Variants in TPM4 observed in about 807,000 individuals in gnomAD.
TPM4 encodes the protein tropomyosin alpha-4 chain.
In TPM4, 17 loss-of-function variants were observed where a neutral mutation model predicts 35.8. The observed-to-expected ratio is 0.47, with a 90% CI of 0.32 to 0.71. TPM4 has a LOEUF of 0.71. Among genes scored for constraint, TPM4 ranks in the 30% least tolerant of loss-of-function variants. The probability of loss-of-function intolerance (pLI) is 0.03; values close to 1 mark genes in which losing one functional copy is unlikely to be tolerated. For missense variants in TPM4, 240 were observed against 320.9 expected, an observed-to-expected ratio of 0.75 and a Z score of 1.93; for synonymous variants, 120 against 122.9, an observed-to-expected ratio of 0.98 and a Z score of 0.15.
chr19:16,082,838 A>C (rs1043845404), intron 2 of TPM4, among the ~76,000 whole-genome samples: 2 of 152,000 alleles, frequency 1.3e-5, no homozygotes, highest in African/African-American at 4.8e-5. Context: ...CAAAAAATAC[A>C]AAAATTAGCC....
At chr19:16,093,838 G>A in intron 7 of TPM4, 85 bp downstream of exon 7, 1 of 1,513,042 alleles carries the variant, frequency 6.6e-7, no homozygotes, top group East Asian at 2.3e-5. Flanking sequence ...TGTTTGTGGA[G>A]GGGCTGGGTT....
At chr19:16,076,179 G>T (rs374372132), upstream of TPM4, 2 of 1,554,996 alleles carry the variant, frequency 1.3e-6, no homozygotes, top group East Asian at 2.4e-5. Context: ...CGACGTACGT[G>T]TGCAGGGATG....
intron 7 of TPM4, among the ~76,000 whole-genome samples, chr19:16,096,082 C>T (rs1258937201): frequency 6.6e-6 from 1 of 152,128 alleles, no homozygotes; most frequent in East Asian, 1.9e-4. Flanking sequence ...TACACCACCA[C>T]ACCTGGCTAA....
chr19:16,078,830 T>A (rs199541537), intron 1 of TPM4, among the ~76,000 whole-genome samples: 9 of 126,388 alleles, frequency 7.1e-5, no homozygotes, highest in Non-Finnish European at 5.0e-5. Context: ...AGGGGTGGGT[T>A]AAAAAAAAAA....
intron 2 of TPM4, 23 bp from the exon 3 acceptor site, chr19:16,086,400 C>G (rs1371940296): frequency 6.2e-7 from 1 of 1,604,236 alleles, no homozygotes; most frequent in Non-Finnish European, 8.5e-7. Flanking sequence ...GAACGGCCGT[C>G]CTGATGAGAT....
intron 7 of TPM4, among the ~76,000 whole-genome samples, chr19:16,097,678 TA>T (rs1402771957): frequency 1.3e-5 from 2 of 152,140 alleles, no homozygotes; most frequent in African/African-American, 4.8e-5. Context: ...CACCTCAAAT[TA>T]TCACAGATAA....
chr19:16,087,996 C>T (rs765574384), intron 3 of TPM4, 31 bp from the exon 4 acceptor site: 17 of 1,591,962 alleles, frequency 1.1e-5, no homozygotes, highest in South Asian at 5.7e-5. Context: ...TGGTGGGGAT[C>T]GGGCTCAGCT....
chr19:16,092,566 A>G lies in TPM4; in HGVS notation c.532-970A>G, dbSNP rs553039167. Among the ~76,000 whole-genome samples the G allele has an allele frequency of 1.4e-3, 202 of 144,774 alleles. 1 individual carries two copies. Among genetic ancestry groups the G allele is most frequent in the African/African-American group, 5.0e-3 (196 of 38,966 alleles). 95.0% of individuals were successfully genotyped at this position (144,774 alleles called of 152,430 possible). On this transcript the variant is annotated intron_variant, in intron 5 of 7. Transcript: ENST00000643579. ...TTTTTTCTTTTTGAGATGGAGTCTCACTCCATCGCCCCAGGCTGGAGTGCG... is the reference window on the plus strand; with the variant it reads ...TTTTTTCTTTTTGAGATGGAGTCTCGCTCCATCGCCCCAGGCTGGAGTGCG...
chr19:16,083,117 G>A (rs546139910), intron 2 of TPM4, among the ~76,000 whole-genome samples: 1 of 152,196 alleles, frequency 6.6e-6, no homozygotes, highest in East Asian at 1.9e-4. Flanking sequence ...CTATTTCAGG[G>A]ACAGTTGCAA....
upstream of TPM4, chr19:16,075,318 C>CA (rs570004538): frequency 7.1e-4 from 108 of 152,174 alleles, no homozygotes; most frequent in African/African-American, 2.4e-3. Flanking sequence ...TTGGGATAAA[C>CA]AGAGGACTGA....
chr19:16,080,640 GTC>G (rs1286209262), intron 1 of TPM4, among the ~76,000 whole-genome samples: 1 of 152,110 alleles, frequency 6.6e-6, no homozygotes, highest in African/African-American at 2.4e-5. Context: ...ACGAAACCCT[GTC>G]TCTACTAAAA....
intron 7 of TPM4, chr19:16,099,856 T>C (rs1274469081): frequency 2.0e-5 from 3 of 152,210 alleles, no homozygotes; most frequent in African/African-American, 7.2e-5. Flanking sequence ...ATAACATGCC[T>C]GTAGAATGGC....
chr19:16,076,459 C>G (rs2090406764), upstream of TPM4: 1 of 1,335,730 alleles, frequency 7.5e-7, no homozygotes, highest in Non-Finnish European at 9.5e-7. Context: ...GGGCGGCCCC[C>G]GCGCAGGCAA....
chr19:16,086,534 C>T lies in TPM4; in HGVS notation c.378C>T (p.Tyr126=), dbSNP rs774501495. ...TTGCGGAAGAGGCTGACCGCAAATA[C>T]GAGGAGGTGAGTGGGGCTGGCAGAT... ...KHIAEEADRK[Y]EEVARKLVIL... The change falls in exon 3 of 8, where the codon TAC becomes TAT. Residue 126 remains tyrosine (Y), a synonymous_variant. Coordinates refer to ENST00000643579, the MANE Select transcript of TPM4 (RefSeq NM_003290.3). 3 of 1,612,268 alleles carry T rather than the reference C, an allele frequency of 1.9e-6. No individual in the cohort carries two copies. The highest frequency in any genetic ancestry group is 3.3e-5 in the Admixed American group (2 of 59,858).
At chr19:16,081,733 A>G in intron 1 of TPM4, 180 bp from the exon 2 acceptor site, 1 of 758,486 alleles carries the variant, frequency 1.3e-6, no homozygotes, top group South Asian at 3.6e-5. Flanking sequence ...TGTTTTTCCC[A>G]GACATTTTCC....
Position 16,076,610 on chromosome 19 carries a change from G to A in TPM4, c.45G>A (p.Gln15=). 6.8e-7 allele frequency: 1 copy of A among 1,467,858 alleles called. No homozygotes were observed. Among genetic ancestry groups the A allele is most frequent in the Non-Finnish European group, 9.0e-7 (1 of 1,116,300 alleles). 90.9% of individuals were successfully genotyped at this position (1,467,858 alleles called of 1,614,324 possible). A position where few individuals can be genotyped will look rare whatever the true frequency, so the allele number is the denominator to read the frequency against. Residue 15 remains glutamine, a synonymous_variant, in exon 1 of 8, where the codon CAG becomes CAA. Coordinates refer to ENST00000643579, the MANE Select transcript of TPM4 (RefSeq NM_003290.3). Reference sequence around the variant, plus strand: ...TGGAGGCGGTGAAACGCAAGATCCAGGCCCTGCAGCAGCAGGCGGACGAGG... The same window carrying A: ...TGGAGGCGGTGAAACGCAAGATCCAAGCCCTGCAGCAGCAGGCGGACGAGG... ...NSLEAVKRKI[Q]ALQQQADEAE... is the part of the protein sequence containing the mutation.
At chr19:16,093,831 T>C in intron 7 of TPM4, 78 bp downstream of exon 7, 7 of 1,536,736 alleles carry the variant, frequency 4.6e-6, no homozygotes, top group Non-Finnish European at 6.3e-6. Flanking sequence ...TGGGGAATGT[T>C]TGTGGAGGGG....
At position 16,076,797 on chromosome 19, in the gene TPM4, G is replaced by T; in HGVS notation, c.132+100G>T. ...CGCTGCCCGCCCGCGCGCAGTCCTC[G>T]GGCCGCCTTTTTACGCCCTCGGACG... On this transcript the variant is annotated intron_variant, in intron 1 of 7. Transcript: ENST00000643579. 4 of 1,268,960 alleles carry T rather than the reference G, an allele frequency of 3.2e-6. No homozygotes were observed. The South Asian group carries it at 9.9e-5, about 31-fold the overall frequency. 78.6% of individuals were successfully genotyped at this position (1,268,960 alleles called of 1,614,324 possible).
chr19:16,076,801 C>G, intron 1 of TPM4, 104 bp downstream of exon 1: 1 of 1,265,848 alleles, frequency 7.9e-7, no homozygotes, highest in Middle Eastern at 3.1e-4. Flanking sequence ...GTCCTCGGGC[C>G]GCCTTTTTAC....
Sources: allele counts gnomAD v4.1 joint callset (sites outside exome capture counted in the v4.1 genomes callset), GRCh38; gene constraint gnomAD v4.1.1; transcripts MANE v1.5; gene names NCBI Gene and HGNC (gene_info 2026-07-23, HGNC 2026-07-21).